Variants in FBXL2 observed in about 807,000 individuals in gnomAD.
FBXL2 encodes the protein F-box/LRR-repeat protein 2.
In FBXL2, 38 loss-of-function variants were observed where a neutral mutation model predicts 69.2. The observed-to-expected ratio is 0.55, with a 90% CI of 0.42 to 0.72. FBXL2 has a LOEUF of 0.72. Among genes scored for constraint, FBXL2 ranks in the 30% least tolerant of loss-of-function variants. FBXL2 has a pLI of 0.00. For missense variants in FBXL2, 354 were observed against 520.3 expected (o/e 0.68, Z 3.11); for synonymous variants, 192 against 201.3 (o/e 0.95, Z 0.39).
rs75641940 is a variant in FBXL2 at position 33,352,272 on chromosome 3, T to C, written c.66-6695T>C. Among the ~76,000 whole-genome samples the C allele has an allele frequency of 9.0e-3, 1,377 of 152,296 alleles. 15 individuals are homozygous for C. The highest frequency in any genetic ancestry group is 0.024 in the South Asian group (114 of 4,830). On this transcript the variant is annotated intron_variant, in intron 2 of 14. Transcript: ENST00000484457. ...TGGTGTTGGAAAAATTGGACATCTGTATTTAAAAAGATGAAGGTAGACACA... is the reference window on the plus strand; with the variant it reads ...TGGTGTTGGAAAAATTGGACATCTGCATTTAAAAAGATGAAGGTAGACACA...
At chr3:33,419,568 C>T in the FBXL2 span, among the ~76,000 whole-genome samples, 83 of 143,852 alleles carry the variant, frequency 5.8e-4, no homozygotes, top group African/African-American at 1.8e-3. Context: ...GCGGAGGTTG[C>T]GGTGAGCCGA....
the FBXL2 span, among the ~76,000 whole-genome samples, chr3:33,413,645 G>A: frequency 2.0e-5 from 3 of 151,660 alleles, no homozygotes; most frequent in Admixed American, 6.6e-5. Context: ...GTGAACTTAG[G>A]CCAGGTGCGG....
At chr3:33,419,404 C>T in the FBXL2 span, among the ~76,000 whole-genome samples, 327 of 151,734 alleles carry the variant, frequency 2.2e-3, 2 homozygotes, top group Non-Finnish European at 3.3e-3. Flanking sequence ...CTGAGGTGGG[C>T]GGATCACGAG....
chr3:33,290,319 T>A (rs1319239616), intron 1 of FBXL2, among the ~76,000 whole-genome samples: 1 of 152,210 alleles, frequency 6.6e-6, no homozygotes. Flanking sequence ...TCCCAGCAAC[T>A]TAATTGAAGA....
At chr3:33,343,093 A>G (rs892325320) in intron 2 of FBXL2, among the ~76,000 whole-genome samples, 1 of 151,734 alleles carries the variant, frequency 6.6e-6, no homozygotes, top group Non-Finnish European at 1.5e-5. Context: ...GCTTATATGC[A>G]TGTTATAATT....
At chr3:33,399,819 A>G (rs1466185864) in intron 12 of FBXL2, among the ~76,000 whole-genome samples, 1 of 151,926 alleles carries the variant, frequency 6.6e-6, no homozygotes, top group African/African-American at 2.4e-5. Flanking sequence ...TTATGTGAGA[A>G]ACGGAGTGAA....
chr3:33,311,785 C>T lies in FBXL2; in HGVS notation c.65+14060C>T, dbSNP rs578185355. On this transcript the variant is annotated intron_variant, in intron 2 of 14. Transcript: ENST00000484457. ...GACTACAGGCGCATGCCACCATGCC[C>T]GGCTAATTTTTTTGTATTTTAGTAG... Among the ~76,000 whole-genome samples the T allele has an allele frequency of 2.5e-3, 376 of 150,196 alleles. 2 individuals carry two copies. Among genetic ancestry groups the T allele is most frequent in the African/African-American group, 8.4e-3 (342 of 40,794 alleles).
In FBXL2 at chr3:33,371,330, A is replaced by ATT. The variant is rs749436186; in HGVS notation, c.291-1743_291-1742dup. ...CAGGCATGTGCCACCATACCAGCTA[A>ATT]TTTTTTTTTTTTTTTTTTTTAGTAG... On this transcript the variant is annotated intron_variant, in intron 5 of 14. Transcript: ENST00000484457. Among the ~76,000 whole-genome samples the ATT allele has an allele frequency of 8.6e-3, 1,160 of 134,122 alleles. 19 individuals carry two copies. The highest frequency in any genetic ancestry group is 0.03 in the African/African-American group (1,083 of 36,256). 88.0% of individuals were successfully genotyped at this position (134,122 alleles called of 152,430 possible). A position where few individuals can be genotyped will look rare whatever the true frequency, so the allele number is the denominator to read the frequency against.
At position 33,350,219 on chromosome 3, in the gene FBXL2, T is replaced by C. The variant is rs1315896310; in HGVS notation, c.66-8748T>C. ...ACAATAAAGCAGAATTTATTTCAAA[T>C]ATGCAAGGATATTTTAACATTCAAA... On this transcript the variant is annotated intron_variant, in intron 2 of 14. Coordinates refer to ENST00000484457, the MANE Select transcript of FBXL2 (RefSeq NM_012157.5). 3.9e-5 allele frequency among the ~76,000 whole-genome samples: 6 copies of C among 152,274 alleles called. No homozygotes were observed. In the East Asian group the frequency reaches 1.2e-3, roughly 29 times the overall value.
At chr3:33,381,151 C>A (rs929348487) in intron 13 of FBXL2, among the ~76,000 whole-genome samples, 6 of 152,162 alleles carry the variant, frequency 3.9e-5, no homozygotes, top group African/African-American at 1.4e-4. Flanking sequence ...TCTATGAATA[C>A]TTGAATATGC....
intron 2 of FBXL2, among the ~76,000 whole-genome samples, chr3:33,311,489 G>A (rs929275295): frequency 9.3e-5 from 14 of 151,124 alleles, no homozygotes; most frequent in African/African-American, 2.9e-4. Flanking sequence ...TTTCCTTTTT[G>A]TTCCTCTGAG....
intron 2 of FBXL2, among the ~76,000 whole-genome samples, chr3:33,306,136 A>G (rs1482195188): frequency 2.6e-5 from 4 of 152,068 alleles, no homozygotes; most frequent in South Asian, 2.1e-4. Context: ...GCCTTAGACA[A>G]TTAACTCAAA....
intron 2 of FBXL2, among the ~76,000 whole-genome samples, chr3:33,340,768 T>C (rs1360916686): frequency 5.3e-5 from 8 of 151,350 alleles, no homozygotes; most frequent in African/African-American, 1.9e-4. Flanking sequence ...GGCACATGCC[T>C]GTAATCCCAG....
intron 2 of FBXL2, among the ~76,000 whole-genome samples, chr3:33,315,849 C>T (rs995687680): frequency 1.5e-4 from 23 of 151,576 alleles, no homozygotes; most frequent in Admixed American, 9.9e-4. Context: ...TCTTTTAAAA[C>T]TTTGCATGGG....
intron 2 of FBXL2, among the ~76,000 whole-genome samples, chr3:33,325,786 A>G (rs1457906257): frequency 6.6e-6 from 1 of 152,182 alleles, no homozygotes; most frequent in Non-Finnish European, 1.5e-5. Flanking sequence ...TTTGTAACTA[A>G]TGTTCAATAT....
chr3:33,306,241 C>A (rs895882975), intron 2 of FBXL2, among the ~76,000 whole-genome samples: 12 of 150,394 alleles, frequency 8.0e-5, no homozygotes, highest in East Asian at 7.8e-4. Flanking sequence ...CTTCTTTGAC[C>A]CATACGTGTT....
At chr3:33,378,810 G>C (rs759437567) in intron 13 of FBXL2, 69 bp downstream of exon 13, 1 of 1,612,748 alleles carries the variant, frequency 6.2e-7, no homozygotes, top group African/African-American at 1.3e-5. Flanking sequence ...ACAACAAGAA[G>C]CTGTTTGGGT....
At chr3:33,420,836 T>A in the FBXL2 span, among the ~76,000 whole-genome samples, 7 of 152,156 alleles carry the variant, frequency 4.6e-5, no homozygotes, top group African/African-American at 1.7e-4. Flanking sequence ...TTGGCCAGGC[T>A]GTTATCGAAC....
At chr3:33,401,605 C>T (rs2044231046) in intron 12 of FBXL2, among the ~76,000 whole-genome samples, 1 of 152,212 alleles carries the variant, frequency 6.6e-6, no homozygotes, top group Non-Finnish European at 1.5e-5. Flanking sequence ...GGCTCTTGAG[C>T]ACCGACTCCT....
Sources: gnomAD v4.1 joint callset for allele counts (sites outside exome capture counted in the v4.1 genomes callset) on GRCh38, gnomAD v4.1.1 for gene constraint, MANE v1.5 for transcripts, NCBI Gene and HGNC (gene_info 2026-07-23, HGNC 2026-07-21) for gene names.